Variants in LRGUK observed in about 807,000 individuals in gnomAD.
The protein encoded by LRGUK is leucine-rich repeat and guanylate kinase domain-containing protein.
A neutral mutation model predicts 76.0 loss-of-function variants in LRGUK; 65 were observed. The ratio of observed to expected loss-of-function variants is 0.85; its 90% CI spans 0.70 to 1.05. The LOEUF is 1.05. Among genes scored for constraint, LRGUK ranks in the 50% least tolerant of loss-of-function variants. The pLI is 0.00. For missense variants in LRGUK, 758 were observed against 732.8 expected (o/e 1.03, Z -0.40); for synonymous variants, 268 against 265.6 (o/e 1.01, Z -0.09).
At chr7:134,177,086 T>C (rs772955052) in intron 9 of LRGUK, 23 bp downstream of exon 9, 1 of 1,449,066 alleles carries the variant, frequency 6.9e-7, no homozygotes, top group Non-Finnish European at 9.6e-7. Flanking sequence ...GTCATAACAT[T>C]ACCATTGTGT....
At chr7:134,143,888 G>C (rs1797868665) in intron 4 of LRGUK, among the ~76,000 whole-genome samples, 1 of 148,692 alleles carries the variant, frequency 6.7e-6, no homozygotes, top group African/African-American at 2.5e-5. Context: ...CTGAGCCTGT[G>C]ATTGCTAAAA....
chr7:134,270,358 G>T, the LRGUK span, among the ~76,000 whole-genome samples: 2 of 151,990 alleles, frequency 1.3e-5, no homozygotes, highest in Non-Finnish European at 2.9e-5. Context: ...TTTTAAAAAG[G>T]CACAAGACTT....
Position 134,165,435 on chromosome 7 carries a change from C to T in LRGUK, c.939+1895C>T, listed in dbSNP as rs142587388. On this transcript the variant is annotated intron_variant, in intron 7 of 15. Transcript: ENST00000645682. ...AGTGCATAAAATGCTAATGGGCCTC[C>T]CTTCTGAAAGGGCCTGTTGTAATGC... 5.7e-3 allele frequency among the ~76,000 whole-genome samples: 875 copies of T among 152,278 alleles called. 3 individuals are homozygous for T. The highest frequency in any genetic ancestry group is 0.027 in the South Asian group (132 of 4,822).
At chr7:134,262,298 C>T (rs1585612634) in intron 19 of LRGUK, among the ~76,000 whole-genome samples, 7 of 152,142 alleles carry the variant, frequency 4.6e-5, no homozygotes, top group Admixed American at 4.6e-4. Context: ...CACTTGAACC[C>T]GGTAGGCGGT....
the LRGUK span, among the ~76,000 whole-genome samples, chr7:134,274,546 T>C: frequency 6.6e-6 from 1 of 152,306 alleles, no homozygotes; most frequent in South Asian, 2.1e-4. Flanking sequence ...TATCAACTTG[T>C]TCTGTAATAG....
At chr7:134,186,866 TGCC>T (rs753157868) in intron 11 of LRGUK, among the ~76,000 whole-genome samples, 18 of 152,318 alleles carry the variant, frequency 1.2e-4, no homozygotes, top group Non-Finnish European at 2.2e-4. Flanking sequence ...CTGTTACCTC[TGCC>T]ACTGCTATTT....
At chr7:134,218,135 T>C (rs921864474) in intron 15 of LRGUK, among the ~76,000 whole-genome samples, 1 of 152,146 alleles carries the variant, frequency 6.6e-6, no homozygotes, top group Non-Finnish European at 1.5e-5. Flanking sequence ...CTAATTTTTA[T>C]ATTTTTAGTA....
At chr7:134,190,651 G>A (rs952731515) in intron 11 of LRGUK, among the ~76,000 whole-genome samples, 1 of 152,232 alleles carries the variant, frequency 6.6e-6, no homozygotes, top group African/African-American at 2.4e-5. Context: ...CTGGCCTGCT[G>A]TGTGACCTTA....
intron 1 of LRGUK, among the ~76,000 whole-genome samples, chr7:134,135,007 A>G (rs1026471408): frequency 6.6e-6 from 1 of 152,218 alleles, no homozygotes; most frequent in African/African-American, 2.4e-5. Context: ...AGCTGGGTCT[A>G]TAAAATAAAC....
At chr7:134,197,014 G>A (rs745914653) in exon 13 of LRGUK, 1 of 1,601,732 alleles carries the variant, frequency 6.2e-7, no homozygotes, top group Non-Finnish European at 8.5e-7. Flanking sequence ...CTAACATTTA[G>A]TTATGGTAAT....
intron 16 of LRGUK, among the ~76,000 whole-genome samples, chr7:134,234,064 C>G (rs1043841754): frequency 4.5e-4 from 69 of 152,104 alleles, no homozygotes; most frequent in African/African-American, 1.6e-3. Context: ...CAGTGTGGCC[C>G]AGGAAAGCCA....
chr7:134,258,426 G>A lies in LRGUK; in HGVS notation c.2347+21G>A, dbSNP rs145490441. 1.7e-4 allele frequency: 267 copies of A among 1,609,192 alleles called. 2 individuals carry two copies. The African/African-American group carries it at 3.0e-3, about 18-fold the overall frequency. On this transcript the variant is annotated intron_variant, in intron 19 of 19. Transcript: ENST00000285928. ...GAAAGGTATGAGTTAGGCCAAGCGC[G>A]GTGGCTCATGCCTGTAATCCCAGCA...
chr7:134,152,750 A>G (rs1798275608), intron 5 of LRGUK, among the ~76,000 whole-genome samples: 1 of 152,086 alleles, frequency 6.6e-6, no homozygotes, highest in Non-Finnish European at 1.5e-5. Flanking sequence ...AAAGTTTAGT[A>G]TATGTGTACC....
chr7:134,140,936 TC>T (rs1319112483), intron 3 of LRGUK, among the ~76,000 whole-genome samples: 2 of 152,130 alleles, frequency 1.3e-5, no homozygotes, highest in African/African-American at 4.8e-5. Context: ...TTAAAGCAAA[TC>T]TTAGATGGTC....
chr7:134,158,139 C>T, exon 6 of LRGUK: 1 of 1,612,474 alleles, frequency 6.2e-7, no homozygotes, highest in Middle Eastern at 1.7e-4. Context: ...AAACAAGTTA[C>T]CAATCAAAAT....
intron 1 of LRGUK, among the ~76,000 whole-genome samples, chr7:134,129,519 C>G (rs1797212069): frequency 6.9e-6 from 1 of 145,206 alleles, no homozygotes. Context: ...GTCACCCAGA[C>G]TGGAATACAG....
In LRGUK at chr7:134,148,190, T is replaced by G. The variant is rs375205224; in HGVS notation, c.589-48T>G. The G allele has an allele frequency of 1.1e-3, 1,299 of 1,212,258 alleles. 1 individual carries two copies. The highest frequency in any genetic ancestry group is 1.4e-3 in the Non-Finnish European group (1,190 of 830,966). 75.1% of individuals were successfully genotyped at this position (1,212,258 alleles called of 1,614,324 possible). A position where few individuals can be genotyped will look rare whatever the true frequency, so the allele number is the denominator to read the frequency against. On this transcript the variant is annotated intron_variant, in intron 4 of 15. Transcript: ENST00000645682. ...GCACAGTTAATTATTGTGGCAAACA[T>G]GAAAAATGAAATATTAATATAACAT... is the stretch of plus-strand genomic sequence containing the variant.
chr7:134,209,160 G>A (rs765512810), exon 16 of LRGUK: 15 of 399,124 alleles, frequency 3.8e-5, no homozygotes, highest in East Asian at 2.1e-4. Context: ...CCCTCGTCCC[G>A]CAGCCCTCAG....
At chr7:134,142,006 A>C (rs1216830912) in intron 3 of LRGUK, among the ~76,000 whole-genome samples, 1 of 152,144 alleles carries the variant, frequency 6.6e-6, no homozygotes, top group Non-Finnish European at 1.5e-5. Flanking sequence ...CTTACATAGC[A>C]TGTCCTACCC....
Sources: gnomAD v4.1 joint callset for allele counts (sites outside exome capture counted in the v4.1 genomes callset) on GRCh38, gnomAD v4.1.1 for gene constraint, MANE v1.5 for transcripts, NCBI Gene and HGNC (gene_info 2026-07-23, HGNC 2026-07-21) for gene names.